The following CPLX1 variants were observed in gnomAD, a reference collection of about 807,000 sequenced individuals.
CPLX1 encodes complexin-1.
A neutral mutation model predicts 15.6 loss-of-function variants in CPLX1; 6 were observed. That is an observed-to-expected ratio of 0.39 (90% CI 0.21 to 0.76). The LOEUF (loss-of-function observed/expected upper bound fraction) is 0.76. Ranked by LOEUF, CPLX1 falls within the 30% of genes least tolerant of loss-of-function variation. CPLX1 has a pLI of 0.43. For synonymous variants in CPLX1, 91 were observed against 75.2 expected, an observed-to-expected ratio of 1.21 and a Z score of -1.08; for missense variants, 242 against 188.6, an observed-to-expected ratio of 1.28 and a Z score of -1.66.
chr4:800,851 A>G (rs11729160), intron 2 of CPLX1, among the ~76,000 whole-genome samples: 33,773 of 140,410 alleles, frequency 0.24, 4,441 homozygotes, highest in Middle Eastern at 0.32. Context: ...ATATATATGT[A>G]TATATATATA....
At chr4:810,369 C>T (rs56301015) in intron 2 of CPLX1, among the ~76,000 whole-genome samples, 8 of 152,146 alleles carry the variant, frequency 5.3e-5, no homozygotes, top group Non-Finnish European at 1.0e-4. Context: ...GCTTTCATTT[C>T]TCTTGGGTCA....
chr4:791,508 C>G (rs3775147), intron 3 of CPLX1, among the ~76,000 whole-genome samples: 87,772 of 152,066 alleles, frequency 0.58, 27,036 homozygotes, highest in South Asian at 0.77. Flanking sequence ...TTCCCCACAA[C>G]ACCCCGTGAA....
rs772404705 is a variant in CPLX1 at position 786,568 on chromosome 4, T to C, written c.338A>G (p.Asp113Gly). 3 of 1,609,632 alleles carry C rather than the reference T, an allele frequency of 1.9e-6. No homozygotes were observed. The South Asian group carries it at 3.3e-5, about 18-fold the overall frequency. The stretch of plus-strand genomic sequence containing the variant: ...GATGACGGTGTCCAGGATGCTCTCG[T>C]CCTCCTCCTCCACCTCGTCCCCGCA... ...PGCGDEVEEE[D>G]ESILDTVIKY... The change falls in exon 4 of 4, where the codon GAC becomes GGC. Residue 113 changes from aspartate (D) to glycine (G), a missense_variant. Coordinates refer to ENST00000304062, the MANE Select transcript of CPLX1 (RefSeq NM_006651.4).
At chr4:825,310 C>T (rs1746957186) in intron 1 of CPLX1, among the ~76,000 whole-genome samples, 1 of 152,208 alleles carries the variant, frequency 6.6e-6, no homozygotes, top group Non-Finnish European at 1.5e-5. Flanking sequence ...CGGGGTCTCT[C>T]CTATCGGGGA....
At chr4:812,917 T>C (rs1746690091) in intron 2 of CPLX1, among the ~76,000 whole-genome samples, 1 of 152,056 alleles carries the variant, frequency 6.6e-6, no homozygotes, top group Admixed American at 6.6e-5. Context: ...ACATGATGGA[T>C]TGAACATATA....
intron 2 of CPLX1, among the ~76,000 whole-genome samples, chr4:818,416 C>T (rs574321611): frequency 2.9e-4 from 44 of 152,388 alleles, no homozygotes; most frequent in Middle Eastern, 3.4e-3. Context: ...CACAGGTCCC[C>T]GGGCCCAGCG....
chr4:787,943 G>T (rs1424975828), intron 3 of CPLX1: 2 of 985,262 alleles, frequency 2.0e-6, no homozygotes, highest in Non-Finnish European at 2.4e-6. Context: ...TCCATCCCCT[G>T]AACAGGACCC....
chr4:804,341 A>G (rs1746514637), intron 2 of CPLX1, among the ~76,000 whole-genome samples: 1 of 152,226 alleles, frequency 6.6e-6, no homozygotes, highest in African/African-American at 2.4e-5. Context: ...GGCTAAATAC[A>G]ATATCCATAC....
chr4:824,963 C>T, intron 1 of CPLX1: 1 of 361,724 alleles, frequency 2.8e-6, no homozygotes, highest in South Asian at 2.1e-5. Context: ...AGCGGCGCCT[C>T]CGCGGTGGTC....
At chr4:817,733 G>C (rs986636026) in intron 2 of CPLX1, among the ~76,000 whole-genome samples, 10 of 152,098 alleles carry the variant, frequency 6.6e-5, no homozygotes, top group Non-Finnish European at 1.5e-5. Context: ...CGCCCCCTTG[G>C]CCATGAGGAT....
chr4:817,842 T>TGAGGGGAGG (rs1746790035), intron 2 of CPLX1, among the ~76,000 whole-genome samples: 1 of 152,046 alleles, frequency 6.6e-6, no homozygotes. Flanking sequence ...GGGTGCATTG[T>TGAGGGGAGG]TCCCACCAGC....
intron 2 of CPLX1, among the ~76,000 whole-genome samples, chr4:800,451 AT>A (rs1746427312): frequency 6.6e-6 from 1 of 151,306 alleles, no homozygotes; most frequent in Admixed American, 6.6e-5. Context: ...CCTGGGCAAA[AT>A]GGGGAAATCC....
At chr4:798,258 G>A (rs1303857269) in intron 2 of CPLX1, among the ~76,000 whole-genome samples, 23 of 137,332 alleles carry the variant, frequency 1.7e-4, no homozygotes, top group Non-Finnish European at 2.4e-4. Flanking sequence ...CTGGGTGACA[G>A]TGAGACTCCG....
intron 2 of CPLX1, among the ~76,000 whole-genome samples, chr4:813,472 G>C (rs1055934728): frequency 6.6e-6 from 1 of 152,090 alleles, no homozygotes; most frequent in African/African-American, 2.4e-5. Flanking sequence ...CCTGCTGTCA[G>C]GCGAGTGGGG....
intron 2 of CPLX1, chr4:805,020 T>C: frequency 2.5e-6 from 2 of 789,274 alleles, no homozygotes; most frequent in Non-Finnish European, 3.1e-6. Flanking sequence ...CCACGCACGC[T>C]CGCGCACCGT....
intron 2 of CPLX1, among the ~76,000 whole-genome samples, chr4:822,926 G>C (rs539957933): frequency 6.6e-6 from 1 of 152,250 alleles, no homozygotes; most frequent in African/African-American, 2.4e-5. Context: ...TCAGCGTGGA[G>C]CCCCCCCAGG....
chr4:787,102 G>T, intron 3 of CPLX1: 1 of 985,414 alleles, frequency 1.0e-6, no homozygotes, highest in Non-Finnish European at 1.2e-6. Flanking sequence ...TCAACCCGCA[G>T]CTGACCCTCC....
At chr4:788,051 G>C (rs1746054699) in intron 3 of CPLX1, 1 of 985,300 alleles carries the variant, frequency 1.0e-6, no homozygotes, top group African/African-American at 1.7e-5. Context: ...GGAGGGGAGT[G>C]GGCACCAGCA....
chr4:805,038 G>C, intron 2 of CPLX1: 7 of 674,912 alleles, frequency 1.0e-5, no homozygotes, highest in Non-Finnish European at 1.3e-5. Context: ...CGTCTGTCTC[G>C]GCAGCGGCCC....
Sources: gnomAD v4.1 joint callset for allele counts (sites outside exome capture counted in the v4.1 genomes callset) on GRCh38, gnomAD v4.1.1 for gene constraint, MANE v1.5 for transcripts, NCBI Gene and HGNC (gene_info 2026-07-23, HGNC 2026-07-21) for gene names.